Variants in CLCNKA observed in about 807,000 individuals in gnomAD.
CLCNKA encodes chloride channel protein ClC-Ka.
Under a neutral mutation model 83.3 loss-of-function variants are expected in CLCNKA, and 66 were observed. The ratio of observed to expected loss-of-function variants is 0.79; its 90% confidence interval spans 0.65 to 0.97. The LOEUF is 0.97. Among genes scored for constraint, CLCNKA ranks in the 50% least tolerant of loss-of-function variants. The pLI is 0.00. For synonymous variants in CLCNKA, 357 were observed against 370.4 expected, an observed-to-expected ratio of 0.96 and a Z score of 0.42; for missense variants, 806 against 888.7, an observed-to-expected ratio of 0.91 and a Z score of 1.18.
At chr1:16,032,064 G>A (rs1441813747) in intron 16 of CLCNKA, 139 bp from the exon 17 acceptor site, 31 of 1,156,104 alleles carry the variant, frequency 2.7e-5, no homozygotes, top group African/African-American at 3.0e-5. Context: ...AAAGAGAGTC[G>A]GCTGGGTGCT....
Position 16,028,753 on chromosome 1 carries a change from C to G in CLCNKA, c.969-8C>G. 1 of 1,614,130 alleles carries G rather than the reference C, an allele frequency of 6.2e-7. No homozygotes were observed. The highest frequency in any genetic ancestry group is 8.5e-7 in the Non-Finnish European group (1 of 1,180,012). ...GGGCCAGCCCTAGAGCTCACCCACC[C>G]CCCACAGCAAGCCTGTGTACTCCGC... is the stretch of plus-strand genomic sequence containing the variant. On this transcript the variant is annotated splice_region_variant and splice_polypyrimidine_tract_variant and intron_variant, in intron 10 of 19. Transcript: ENST00000331433.
At position 16,030,564 on chromosome 1, in the gene CLCNKA, G is replaced by C; in HGVS notation, c.1512G>C (p.Ala504=). The C allele has an allele frequency of 2.5e-6, 4 of 1,613,066 alleles. No individual in the cohort carries two copies. The highest frequency in any genetic ancestry group is 3.4e-6 in the Non-Finnish European group (4 of 1,180,030). The change falls in exon 15 of 20, where the codon GCG becomes GCC. Residue 504 remains alanine, a synonymous_variant. Coordinates refer to ENST00000331433, the MANE Select transcript of CLCNKA (RefSeq NM_004070.4). ...QIVHALPVLM[A]VLAANAIAQS... ...TGCATGCACTGCCCGTGCTGATGGC[G>C]GTGCTGGCAGCCAACGCCATTGCAC...
intron 11 of CLCNKA, 42 bp from the exon 12 acceptor site, chr1:16,029,084 G>T (rs778083492): frequency 4.4e-6 from 6 of 1,348,700 alleles, no homozygotes; most frequent in African/African-American, 1.6e-5. Context: ...TCTGCCGCTG[G>T]GGGGGGCCCC....
At chr1:16,032,702 C>T (rs934666687) in intron 18 of CLCNKA, among the ~76,000 whole-genome samples, 176 bp downstream of exon 18, 2 of 151,798 alleles carry the variant, frequency 1.3e-5, no homozygotes, top group African/African-American at 2.4e-5. Flanking sequence ...GCCAGGGTTG[C>T]GGGGATGATG....
At position 16,031,872 on chromosome 1, in the gene CLCNKA, G is replaced by A. The variant is rs372619533; in HGVS notation, c.1756+29G>A. 3.1e-4 allele frequency: 499 copies of A among 1,613,220 alleles called. No individual in the cohort carries two copies. In the African/African-American group the frequency reaches 5.6e-3, roughly 18 times the overall value. ...CCCAGCTGGAAGGGAGGAGGAAGTC[G>A]GGGGTAGGGGATGCCCTCTGCCTCC... is the stretch of plus-strand genomic sequence containing the variant. On this transcript the variant is annotated intron_variant, in intron 16 of 19. Coordinates refer to ENST00000331433, the MANE Select transcript of CLCNKA (RefSeq NM_004070.4).
chr1:16,031,724 G>A lies in CLCNKA; in HGVS notation c.1637G>A (p.Arg546Lys), dbSNP rs889136840. 6.2e-7 allele frequency: 1 copy of A among 1,613,824 alleles called. No individual in the cohort carries two copies. Among genetic ancestry groups the A allele is most frequent in the Non-Finnish European group, 8.5e-7 (1 of 1,180,032 alleles). ...LGRNIGSHHVRVEHFMNHSIT... is the reference protein window; with the variant it reads ...LGRNIGSHHVKVEHFMNHSIT... ...TCTGCCTGCAGCTCCCACCATGTGA[G>A]GGTGGAGCACTTCATGAACCACAGC... Residue 546 changes from arginine to lysine, a missense_variant, in exon 16 of 20, where the codon AGG becomes AAG. Physicochemically the swap from Arg to Lys is conservative, Grantham distance 26. Coordinates refer to ENST00000331433, the MANE Select transcript of CLCNKA (RefSeq NM_004070.4).
chr1:16,026,277 A>ACCCCCC, intron 5 of CLCNKA, 30 bp downstream of exon 5: 2 of 1,606,978 alleles, frequency 1.2e-6, no homozygotes, highest in Non-Finnish European at 1.7e-6. Flanking sequence ...CACCCCAGCC[A>ACCCCCC]CCCCGCCCAC....
intron 3 of CLCNKA, 147 bp downstream of exon 3, chr1:16,024,075 C>T (rs1277705187): frequency 1.0e-6 from 1 of 973,402 alleles, no homozygotes; most frequent in African/African-American, 1.6e-5. Context: ...GCTCTGTGAT[C>T]CTGGGCAGGC....
At chr1:16,033,556 C>A (rs1421005496) in intron 19 of CLCNKA, 55 bp from the exon 20 acceptor site, 7 of 706,826 alleles carry the variant, frequency 9.9e-6, no homozygotes, top group South Asian at 6.9e-5. Context: ...GCTGGAGCCC[C>A]CCTCACAACC....
rs1340314564 is a variant in CLCNKA at position 16,030,668 on chromosome 1, A to G, written c.1616A>G (p.Asn539Ser). 1.6e-5 allele frequency: 26 copies of G among 1,613,158 alleles called. No individual in the cohort carries two copies. The Admixed American group carries it at 4.2e-4, about 26-fold the overall frequency. The change falls in exon 15 of 20, where the codon AAC becomes AGC. Residue 539 changes from asparagine to serine, a missense_variant. Transcript: ENST00000331433. Reference sequence around the variant, plus strand: ...TACCTGCCACGGATTCTGGGCCGCAACATCGGGTGAGTGGTGCCCACCTCA... The same window carrying G: ...TACCTGCCACGGATTCTGGGCCGCAGCATCGGGTGAGTGGTGCCCACCTCA... Reference protein sequence around the residue: ...LPYLPRILGRNIGSHHVRVEH... With the variant: ...LPYLPRILGRSIGSHHVRVEH...
intron 10 of CLCNKA, 34 bp downstream of exon 10, chr1:16,028,153 GTGAGTCCCTTGTGGACTCCAGACCTTA>G: frequency 6.3e-7 from 1 of 1,591,258 alleles, no homozygotes; most frequent in Non-Finnish European, 8.6e-7. Context: ...GGACATCTCA[GTGAGTCCCTTGTGGACTCCAGACCTTA>G]TGTAGAAAGC....
chr1:16,022,584 C>T (rs375222336), intron 1 of CLCNKA, 29 bp from the exon 2 acceptor site: 161 of 1,510,446 alleles, frequency 1.1e-4, no homozygotes, highest in Non-Finnish European at 1.2e-4. Flanking sequence ...GCAGCTCACC[C>T]GGGTCCTTCC....
intron 7 of CLCNKA, 151 bp from the exon 8 acceptor site, chr1:16,027,159 C>A: frequency 8.6e-7 from 1 of 1,156,750 alleles, no homozygotes; most frequent in Non-Finnish European, 1.2e-6. Flanking sequence ...CCGCCCAGGG[C>A]GCAAGCCCTG....
chr1:16,029,552 G>C (rs2022526397), intron 12 of CLCNKA, among the ~76,000 whole-genome samples, 179 bp from the exon 13 acceptor site: 1 of 152,176 alleles, frequency 6.6e-6, no homozygotes, highest in South Asian at 2.1e-4. Flanking sequence ...ACAGTGCCAG[G>C]CATACAGTGG....
At chr1:16,022,168 C>A in intron 1 of CLCNKA, 105 bp downstream of exon 1, 1 of 154,394 alleles carries the variant, frequency 6.5e-6, no homozygotes, top group Non-Finnish European at 1.4e-5. Context: ...TTTGGCTTTG[C>A]AGAGGCCTTC....
At chr1:16,033,055 T>C (rs1377230480) in intron 18 of CLCNKA, 115 bp from the exon 19 acceptor site, 3 of 1,111,056 alleles carry the variant, frequency 2.7e-6, no homozygotes, top group Non-Finnish European at 4.1e-6. Flanking sequence ...GTCTGTTGCC[T>C]CCCACACATA....
intron 4 of CLCNKA, 109 bp downstream of exon 4, chr1:16,025,000 AAG>A: frequency 6.8e-7 from 1 of 1,464,478 alleles, no homozygotes; most frequent in South Asian, 1.1e-5. Flanking sequence ...TCAAGCCCAG[AAG>A]AGTTATGTGG....
At chr1:16,026,666 T>G (rs773801220) in intron 6 of CLCNKA, 31 bp from the exon 7 acceptor site, 1 of 1,613,432 alleles carries the variant, frequency 6.2e-7, no homozygotes, top group East Asian at 2.2e-5. Context: ...GGGAGGGGGC[T>G]GACTCTGAGC....
chr1:16,026,269 C>T (rs774351546), intron 5 of CLCNKA, 22 bp downstream of exon 5: 2 of 1,612,524 alleles, frequency 1.2e-6, no homozygotes, highest in Admixed American at 1.7e-5. Flanking sequence ...TGTGAGGGCA[C>T]CCCAGCCACC....
Sources: gnomAD v4.1 joint callset for allele counts (sites outside exome capture counted in the v4.1 genomes callset) on GRCh38, gnomAD v4.1.1 for gene constraint, MANE v1.5 for transcripts, NCBI Gene and HGNC (gene_info 2026-07-23, HGNC 2026-07-21) for gene names.